AZU1: variants seen among roughly 807,000 people sequenced by gnomAD.
The protein encoded by AZU1 is azurocidin.
Under a neutral mutation model 17.8 loss-of-function variants are expected in AZU1, and 21 were observed. The observed-to-expected ratio is 1.18, with a 90% CI of 0.84 to 1.70. AZU1 has a LOEUF of 1.70. Among genes scored for constraint, AZU1 ranks in the 40% most tolerant of loss-of-function variants. The pLI, the probability that AZU1 is intolerant of heterozygous loss-of-function variation, is 0.00. For synonymous variants in AZU1, 178 were observed against 155.2 expected, an observed-to-expected ratio of 1.15 and a Z score of -1.09; for missense variants, 379 against 362.9, an observed-to-expected ratio of 1.04 and a Z score of -0.36.
intron 4 of AZU1, chr19:831,208 G>A: frequency 2.1e-6 from 1 of 469,620 alleles, no homozygotes; most frequent in Middle Eastern, 5.7e-4. Context: ...AGCCTCCTAA[G>A]TAGCTGGGAT....
intron 3 of AZU1, among the ~76,000 whole-genome samples, chr19:829,929 A>AAT (rs745685036): frequency 0.013 from 1,677 of 133,190 alleles, 37 homozygotes; most frequent in African/African-American, 0.048. Flanking sequence ...TCTCTACAAA[A>AAT]ATATATATGT....
At chr19:828,483 A>T in intron 2 of AZU1, 97 bp downstream of exon 2, 14 of 763,302 alleles carry the variant, frequency 1.8e-5, no homozygotes, top group East Asian at 4.7e-5. Flanking sequence ...GTAGGTGAGG[A>T]GGGGAGGGGA....
rs758299163 is a variant in AZU1, at chr19:828,363, C to A, written c.192C>A (p.Thr64=). The change falls in exon 2 of 5, where the codon ACC becomes ACA. Residue 64 remains threonine, a synonymous_variant. Transcript: ENST00000233997. ...GALIHARFVM[T]AASCFQSQNP... is the part of the protein sequence containing the mutation. ...TGATCCATGCCCGCTTCGTGATGAC[C>A]GCGGCCAGCTGCTTCCAAAGCCAGT... 1.3e-6 allele frequency: 2 copies of A among 1,593,706 alleles called. No homozygotes were observed. Among genetic ancestry groups the A allele is most frequent in the South Asian group, 2.2e-5 (2 of 89,250 alleles).
At chr19:831,640 C>T in intron 4 of AZU1, 76 bp from the exon 5 acceptor site, 2 of 1,435,234 alleles carry the variant, frequency 1.4e-6, no homozygotes, top group Non-Finnish European at 1.9e-6. Context: ...CCAGGGGCAG[C>T]AAGAGGCCTC....
chr19:830,885 T>A lies in AZU1; in HGVS notation c.538T>A (p.Cys180Ser). ...VNVTVTPEDQ[C>S]RPNNVCTGVL... ...CGTGACTGTGACCCCCGAGGACCAG[T>A]GTCGCCCCAACAACGTGTGCACCGG... The change falls in exon 4 of 5, where the codon TGT (cysteine) becomes AGT (serine). Residue 180 changes from cysteine to serine, a missense_variant. Physicochemically the swap from Cys to Ser is moderately radical, Grantham distance 112 (BLOSUM62 -1). Coordinates refer to ENST00000233997, the MANE Select transcript of AZU1 (RefSeq NM_001700.5). The A allele has an allele frequency of 1.9e-6, 3 of 1,606,076 alleles. No homozygotes were observed. Among genetic ancestry groups the A allele is most frequent in the Non-Finnish European group, 2.5e-6 (3 of 1,179,936 alleles).
intron 1 of AZU1, 96 bp downstream of exon 1, chr19:828,000 TGGCCTGGGTCACACAGCCAGCCC>T (rs2145096710): frequency 6.7e-7 from 1 of 1,492,588 alleles, no homozygotes; most frequent in African/African-American, 1.4e-5. Flanking sequence ...GCAAGCGGCT[TGGCCTGGGTCACACAGCCAGCCC>T]GGCCTGGACG....
At chr19:831,425 G>T (rs1270416465) in intron 4 of AZU1, 1 of 443,626 alleles carries the variant, frequency 2.3e-6, no homozygotes, top group Admixed American at 3.8e-5. Context: ...GTCTGTGCTG[G>T]GGGTTGGGGA....
In AZU1 at chr19:831,734, C is replaced by A. The variant is rs1238444804; in HGVS notation, c.613C>A (p.Leu205Ile). 6.2e-7 allele frequency: 1 copy of A among 1,608,944 alleles called. No homozygotes were observed. Among genetic ancestry groups the A allele is most frequent in the East Asian group, 2.2e-5 (1 of 44,790 alleles). ...GICNGDGGTPLVCEGLAHGVA... is the reference protein window; with the variant it reads ...GICNGDGGTPIVCEGLAHGVA... Reference sequence around the variant, plus strand: ...TGCCCAGGGGGACGGGGGCACCCCCCTCGTCTGCGAGGGCCTGGCCCACGG... The same window carrying A: ...TGCCCAGGGGGACGGGGGCACCCCCATCGTCTGCGAGGGCCTGGCCCACGG... The change falls in exon 5 of 5, where the codon CTC becomes ATC. Residue 205 changes from leucine (L) to isoleucine (I), a missense_variant. Transcript: ENST00000233997.
In AZU1 at chr19:828,454, C is replaced by G. The variant is rs2035242713; in HGVS notation, c.215+68C>G. 3 of 1,295,652 alleles carry G rather than the reference C, an allele frequency of 2.3e-6. No individual in the cohort carries two copies. The Admixed American group carries it at 9.0e-5, about 39-fold the overall frequency. 80.3% of individuals were successfully genotyped at this position (1,295,652 alleles called of 1,614,324 possible). ...AGAGAAGGGGCTTGGGGGGCTTAGG[C>G]ATTCAGTGGGGGTGCTTGGTAGGTG... On this transcript the variant is annotated intron_variant, in intron 2 of 4. Transcript: ENST00000233997.
At position 828,383 on chromosome 19, in the gene AZU1, G is replaced by A; in HGVS notation, c.212G>A (p.Ser71Asn). 1.3e-6 allele frequency: 2 copies of A among 1,583,794 alleles called. No homozygotes were observed. The highest frequency in any genetic ancestry group is 1.4e-5 in the African/African-American group (1 of 73,908). ...ATGACCGCGGCCAGCTGCTTCCAAA[G>A]CCAGTGAGGGGTCCTGGGGAGGGGG... ...FVMTAASCFQ[S>N]QNPGVSTVVL... The change falls in exon 2 of 5, where the codon AGC becomes AAC. Residue 71 changes from serine (S) to asparagine (N), a missense_variant. Physicochemically the swap from Ser to Asn is conservative, Grantham distance 46. Coordinates refer to ENST00000233997, the MANE Select transcript of AZU1 (RefSeq NM_001700.5).
At chr19:829,488 T>C (rs2035259170) in intron 2 of AZU1, 74 bp from the exon 3 acceptor site, 1 of 1,544,624 alleles carries the variant, frequency 6.5e-7, no homozygotes, top group Non-Finnish European at 8.8e-7. Flanking sequence ...CCCCCCTAAT[T>C]TGCAAGCCGG....
At position 828,179 on chromosome 19, in the gene AZU1, G is replaced by A. The variant is rs758917067; in HGVS notation, c.59-51G>A. On this transcript the variant is annotated intron_variant, in intron 1 of 4. Transcript: ENST00000233997. The stretch of plus-strand genomic sequence containing the variant: ...AGGCTGCAGCTTCACACGCCCTCCC[G>A]GCCACTGTGTGGATTCTTGGGGATC... 12 of 1,536,366 alleles carry A rather than the reference G, an allele frequency of 7.8e-6. No homozygotes were observed. The Admixed American group carries it at 9.9e-5, about 13-fold the overall frequency.
In AZU1 at chr19:829,527, T is replaced by C. The variant is rs748889577; in HGVS notation, c.216-35T>C. ...GCTCTGTGCCCAGGCCCCAGCCTGG[T>C]GTCCTCCCTCTGCCCTTTCCTCCGC... On this transcript the variant is annotated intron_variant, in intron 2 of 4. Coordinates refer to ENST00000233997, the MANE Select transcript of AZU1 (RefSeq NM_001700.5). 3 of 1,605,628 alleles carry C rather than the reference T, an allele frequency of 1.9e-6. No individual in the cohort carries two copies. In the South Asian group the frequency reaches 3.3e-5, roughly 18 times the overall value.
Position 831,857 on chromosome 19 carries a change from C to A in AZU1, c.736C>A (p.Pro246Thr). 6.2e-7 allele frequency: 1 copy of A among 1,612,386 alleles called. No individual in the cohort carries two copies. Among genetic ancestry groups the A allele is most frequent in the African/African-American group, 1.3e-5 (1 of 75,036 alleles). ...CTGGATCGATGGTGTTCTCAACAAC[C>A]CGGGACCGGGGCCAGCCTAGGGGGG... ...RDWIDGVLNN[P>T]GPGPA The change falls in exon 5 of 5, where the codon CCG (proline) becomes ACG (threonine). Residue 246 changes from proline (P) to threonine (T), a missense_variant. By Grantham distance (38) the Pro-to-Thr change is conservative. Coordinates refer to ENST00000233997, the MANE Select transcript of AZU1 (RefSeq NM_001700.5).
rs1240559729 is a variant in AZU1 at position 829,934 on chromosome 19, A to ATGTGTGTGTG, written c.360+229_360+230insGTGTGTGTGT. 4.2e-5 allele frequency among the ~76,000 whole-genome samples: 5 copies of ATGTGTGTGTG among 120,398 alleles called. No individual in the cohort carries two copies. In the South Asian group the frequency reaches 1.4e-3, roughly 34 times the overall value. 79.0% of individuals were successfully genotyped at this position (120,398 alleles called of 152,430 possible). A position where few individuals can be genotyped will look rare whatever the true frequency, so the allele number is the denominator to read the frequency against. ...CCAAACTCAGTCTCTACAAAAATAT[A>ATGTGTGTGTG]TATGTGTGTGTGTGTGTGTGTGTGT... is the stretch of plus-strand genomic sequence containing the variant. On this transcript the variant is annotated intron_variant, in intron 3 of 4. Coordinates refer to ENST00000233997, the MANE Select transcript of AZU1 (RefSeq NM_001700.5).
At chr19:830,392 A>G (rs1321362448) in intron 3 of AZU1, among the ~76,000 whole-genome samples, 2 of 152,168 alleles carry the variant, frequency 1.3e-5, no homozygotes, top group Non-Finnish European at 2.9e-5. Flanking sequence ...AATGTTTTTC[A>G]TGTTTGGTTT....
intron 3 of AZU1, among the ~76,000 whole-genome samples, chr19:830,033 G>A (rs752878721): frequency 1.3e-5 from 2 of 151,562 alleles, no homozygotes; most frequent in African/African-American, 2.4e-5. Context: ...AGGCCGAGGT[G>A]GGCGGATCAC....
intron 3 of AZU1, among the ~76,000 whole-genome samples, chr19:829,936 ATGTGTGTGTGTGTG>A (rs59995493): frequency 4.4e-5 from 6 of 137,864 alleles, no homozygotes; most frequent in South Asian, 2.4e-4. Context: ...AAAAATATAT[ATGTGTGTGTGTGTG>A]TGTGTGTGTG....
chr19:830,871 C>T lies in AZU1; in HGVS notation c.524C>T (p.Thr175Ile). 2 of 1,607,000 alleles carry T rather than the reference C, an allele frequency of 1.2e-6. No homozygotes were observed. The highest frequency in any genetic ancestry group is 1.7e-6 in the Non-Finnish European group (2 of 1,179,850). ...RFPRFVNVTVTPEDQCRPNNV... is the reference protein window; with the variant it reads ...RFPRFVNVTVIPEDQCRPNNV... ...CCCAGGTTTGTCAACGTGACTGTGA[C>T]CCCCGAGGACCAGTGTCGCCCCAAC... The change falls in exon 4 of 5, where the codon ACC (threonine) becomes ATC (isoleucine). Residue 175 changes from threonine to isoleucine, a missense_variant. Physicochemically the swap from Thr to Ile is moderately conservative, Grantham distance 89 (BLOSUM62 -1). Transcript: ENST00000233997.
Sources: allele counts gnomAD v4.1 joint callset (sites outside exome capture counted in the v4.1 genomes callset), GRCh38; gene constraint gnomAD v4.1.1; transcripts MANE v1.5; gene names NCBI Gene and HGNC (gene_info 2026-07-23, HGNC 2026-07-21).